CHRM3: variants seen among roughly 807,000 people sequenced by gnomAD.
The protein encoded by CHRM3 is muscarinic acetylcholine receptor M3.
In CHRM3, 11 loss-of-function variants were observed where a neutral mutation model predicts 41.8. The ratio of observed to expected loss-of-function variants is 0.26; its 90% CI spans 0.17 to 0.44. The LOEUF (loss-of-function observed/expected upper bound fraction) is 0.44. CHRM3 is among the 20% of genes least tolerant of loss of function. The pLI is 1.00. For synonymous variants in CHRM3, 297 were observed against 301.4 expected (o/e 0.99, Z 0.15); for missense variants, 571 against 745.4 (o/e 0.77, Z 2.72).
chr1:239,529,609 CAAAAAAAAAAA>C (rs74990447), intron 2 of CHRM3, among the ~76,000 whole-genome samples: 3 of 110,856 alleles, frequency 2.7e-5, no homozygotes, highest in Admixed American at 1.0e-4. Context: ...GACTCCGTCT[CAAAAAAAAAAA>C]AAAAAAAAAA....
chr1:239,743,155 A>G (rs12062192), intron 5 of CHRM3, among the ~76,000 whole-genome samples: 6,100 of 152,310 alleles, frequency 0.04, 206 homozygotes, highest in African/African-American at 0.078. Context: ...CATTTTATTT[A>G]TAACTTAAAC....
At chr1:239,629,811 A>G (rs920514112) in intron 3 of CHRM3, among the ~76,000 whole-genome samples, 10 of 152,118 alleles carry the variant, frequency 6.6e-5, no homozygotes, top group Non-Finnish European at 1.3e-4. Context: ...GGCCTTCCAT[A>G]ATTATTCTGT....
In CHRM3 at chr1:239,765,942, G is replaced by A. The variant is rs1468089184; in HGVS notation, c.-146-61310G>A. Among the ~76,000 whole-genome samples, 4 of 151,236 alleles carry A rather than the reference G, an allele frequency of 2.6e-5. 1 individual carries two copies. In the Middle Eastern group the frequency reaches 0.01, roughly 386 times the overall value. ...AGCAATTCTCCGGTCTCAGCCTCCC[G>A]AGTAGCTGGGATTACAGGTGCACAC... On this transcript the variant is annotated intron_variant, in intron 5 of 6. Coordinates refer to ENST00000676153, the MANE Select transcript of CHRM3 (RefSeq NM_001375978.1).
chr1:239,430,729 A>G (rs1662771858), intron 1 of CHRM3, among the ~76,000 whole-genome samples: 1 of 151,876 alleles, frequency 6.6e-6, no homozygotes, highest in South Asian at 2.1e-4. Context: ...GCACACATCA[A>G]GATATCTACT....
intron 1 of CHRM3, among the ~76,000 whole-genome samples, chr1:239,428,643 G>A (rs1330808977): frequency 6.6e-6 from 1 of 152,150 alleles, no homozygotes; most frequent in Non-Finnish European, 1.5e-5. Context: ...TGTACTGTTT[G>A]ACACCTTACC....
chr1:239,671,503 G>A (rs1372536668), intron 4 of CHRM3, among the ~76,000 whole-genome samples: 1 of 152,134 alleles, frequency 6.6e-6, no homozygotes, highest in Non-Finnish European at 1.5e-5. Flanking sequence ...CAGCCTAGGA[G>A]GTGAAGCCTG....
intron 1 of CHRM3, among the ~76,000 whole-genome samples, chr1:239,435,177 A>C (rs564873959): frequency 2.7e-5 from 4 of 150,586 alleles, no homozygotes; most frequent in Non-Finnish European, 5.9e-5. Context: ...CACAGCTGGG[A>C]GCGATGGCTC....
intron 1 of CHRM3, among the ~76,000 whole-genome samples, chr1:239,406,147 C>A (rs1429840155): frequency 6.6e-6 from 1 of 152,180 alleles, no homozygotes; most frequent in African/African-American, 2.4e-5. Context: ...GCCTAGGCCT[C>A]CCAAAGTGCT....
intron 1 of CHRM3, among the ~76,000 whole-genome samples, chr1:239,470,626 G>A (rs1346179695): frequency 6.6e-6 from 1 of 152,138 alleles, no homozygotes; most frequent in East Asian, 1.9e-4. Flanking sequence ...TTCTTCCTCG[G>A]ACTGTTCCAT....
intron 1 of CHRM3, among the ~76,000 whole-genome samples, chr1:239,457,857 G>A (rs1040646606): frequency 9.2e-5 from 14 of 152,178 alleles, no homozygotes; most frequent in Non-Finnish European, 1.9e-4. Context: ...CTAATTTAAA[G>A]GATGGACTCA....
chr1:239,904,258 C>A (rs1163387901), intron 6 of CHRM3, among the ~76,000 whole-genome samples: 1 of 152,030 alleles, frequency 6.6e-6, no homozygotes, highest in African/African-American at 2.4e-5. Flanking sequence ...AACACAGGCC[C>A]GGTGCTGGAA....
Position 239,540,600 on chromosome 1 carries a change from G to A in CHRM3, c.-421-5041G>A, listed in dbSNP as rs536003686. 1.6e-4 allele frequency among the ~76,000 whole-genome samples: 24 copies of A among 152,166 alleles called. 1 individual carries two copies. In the East Asian group the frequency reaches 2.5e-3, roughly 16 times the overall value. ...TAAATTTGAATTCAAGGAAATTTTC[G>A]TGCTCTCAAAGAAATTGAGGAACTT... On this transcript the variant is annotated intron_variant, in intron 2 of 6. Transcript: ENST00000676153.
intron 2 of CHRM3, among the ~76,000 whole-genome samples, chr1:239,522,020 GTTTTC>G (rs926933233): frequency 7.3e-5 from 11 of 151,300 alleles, no homozygotes; most frequent in African/African-American, 2.2e-4. Context: ...ACTGAATATT[GTTTTC>G]TTTTCTTTTC....
chr1:239,839,719 A>T (rs140343508), intron 6 of CHRM3, among the ~76,000 whole-genome samples: 70 of 151,868 alleles, frequency 4.6e-4, no homozygotes, highest in African/African-American at 1.7e-3. Context: ...TACAGAAAGA[A>T]GAAAGGGGAG....
At chr1:239,627,624 T>A (rs1359330433) in intron 3 of CHRM3, among the ~76,000 whole-genome samples, 1 of 144,674 alleles carries the variant, frequency 6.9e-6, no homozygotes, top group Admixed American at 6.9e-5. Flanking sequence ...TTGGCATGAT[T>A]TTGCAGCGGC....
At position 239,737,947 on chromosome 1, in the gene CHRM3, C is replaced by T. The variant is rs147305500; in HGVS notation, c.-147+59659C>T. On this transcript the variant is annotated intron_variant, in intron 5 of 6. Coordinates refer to ENST00000676153, the MANE Select transcript of CHRM3 (RefSeq NM_001375978.1). The stretch of plus-strand genomic sequence containing the variant: ...AACCACTGGCAGAAAATATGATTGA[C>T]TACTTTTGTTTCTTCCTTATAATAC... Among the ~76,000 whole-genome samples the T allele has an allele frequency of 2.3e-3, 347 of 152,174 alleles. 2 individuals carry two copies. The highest frequency in any genetic ancestry group is 8.1e-3 in the African/African-American group (337 of 41,534).
chr1:239,870,452 C>G (rs1676478658), intron 6 of CHRM3, among the ~76,000 whole-genome samples: 1 of 152,168 alleles, frequency 6.6e-6, no homozygotes, highest in African/African-American at 2.4e-5. Context: ...GCCAGACATT[C>G]AACCCACCCC....
chr1:239,606,024 G>A (rs920746673), intron 3 of CHRM3: 1 of 152,138 alleles, frequency 6.6e-6, no homozygotes, highest in Non-Finnish European at 1.5e-5. Context: ...TACTTGACCA[G>A]AGGATTCATG....
At chr1:239,618,798 C>A (rs1381731266) in intron 3 of CHRM3, among the ~76,000 whole-genome samples, 1 of 138,286 alleles carries the variant, frequency 7.2e-6, no homozygotes, top group South Asian at 2.4e-4. Context: ...GAGCCGAGAT[C>A]GCGCCCCTGC....
Sources: gnomAD v4.1 joint callset for allele counts (sites outside exome capture counted in the v4.1 genomes callset) on GRCh38, gnomAD v4.1.1 for gene constraint, MANE v1.5 for transcripts, NCBI Gene and HGNC (gene_info 2026-07-23, HGNC 2026-07-21) for gene names.